Variants in SKAP1 observed in about 807,000 individuals in gnomAD.
SKAP1 encodes the protein src kinase associated phosphoprotein 1, also known as src kinase-associated phosphoprotein 1.
Under a neutral mutation model 58.5 loss-of-function variants are expected in SKAP1, and 44 were observed. The ratio of observed to expected loss-of-function variants is 0.75; its 90% confidence interval spans 0.59 to 0.97. SKAP1 has a LOEUF of 0.97. Among genes scored for constraint, SKAP1 ranks in the 50% least tolerant of loss-of-function variants. SKAP1 has a pLI of 0.00. For missense variants in SKAP1, 390 were observed against 435.2 expected (o/e 0.90, Z 0.92); for synonymous variants, 127 against 149.7 (o/e 0.85, Z 1.11).
chr17:48,221,050 C>T (rs2065001355), intron 4 of SKAP1, among the ~76,000 whole-genome samples: 2 of 151,904 alleles, frequency 1.3e-5, no homozygotes, highest in Admixed American at 1.3e-4. Context: ...AGGCGGATAA[C>T]GAGGTCAGGA....
intron 10 of SKAP1, among the ~76,000 whole-genome samples, chr17:48,165,387 CTTT>C (rs2143311767): frequency 6.8e-6 from 1 of 146,560 alleles, no homozygotes; most frequent in Non-Finnish European, 1.5e-5. Context: ...TCTTTTCTTT[CTTT>C]CTTTCTTTCT....
At chr17:48,162,411 C>T in intron 11 of SKAP1, 58 bp downstream of exon 11, 1 of 1,189,274 alleles carries the variant, frequency 8.4e-7, no homozygotes. Flanking sequence ...TTTATGGTGA[C>T]TAAATCAAGA....
chr17:48,237,190 A>T (rs1178958035), intron 4 of SKAP1, among the ~76,000 whole-genome samples: 1 of 152,258 alleles, frequency 6.6e-6, no homozygotes, highest in East Asian at 1.9e-4. Context: ...AAATACAATA[A>T]GAGAATGTCA....
At chr17:48,344,936 T>C (rs1248369712) in intron 4 of SKAP1, among the ~76,000 whole-genome samples, 2 of 152,238 alleles carry the variant, frequency 1.3e-5, no homozygotes, top group Non-Finnish European at 2.9e-5. Flanking sequence ...AATGGAAAGA[T>C]TGCAGACTAA....
chr17:48,334,063 A>T (rs2066537597), intron 4 of SKAP1, among the ~76,000 whole-genome samples: 1 of 152,020 alleles, frequency 6.6e-6, no homozygotes, highest in Non-Finnish European at 1.5e-5. Context: ...TAAGATACTT[A>T]ACAGGTACTC....
At chr17:48,179,921 C>T (rs1342530150) in intron 9 of SKAP1, 133 bp downstream of exon 9, 19 of 780,988 alleles carry the variant, frequency 2.4e-5, no homozygotes, top group Non-Finnish European at 3.4e-5. Flanking sequence ...TCTCATAAAG[C>T]GTCCCACATT....
At chr17:48,226,530 A>G (rs1166586226) in intron 4 of SKAP1, among the ~76,000 whole-genome samples, 4 of 152,190 alleles carry the variant, frequency 2.6e-5, no homozygotes, top group Non-Finnish European at 5.9e-5. Flanking sequence ...CTTTAACTAC[A>G]TTATGTTCTT....
At chr17:48,246,041 C>A (rs2065292974) in intron 4 of SKAP1, among the ~76,000 whole-genome samples, 2 of 152,054 alleles carry the variant, frequency 1.3e-5, no homozygotes, top group South Asian at 4.1e-4. Flanking sequence ...ATAATAATGC[C>A]TTTCTCAACG....
At chr17:48,347,090 A>G (rs555871803) in intron 3 of SKAP1, among the ~76,000 whole-genome samples, 12 of 152,328 alleles carry the variant, frequency 7.9e-5, no homozygotes, top group African/African-American at 2.6e-4. Context: ...TAAAAGGTTC[A>G]GACAGAAGAT....
In SKAP1 at chr17:48,258,872, G is replaced by A. The variant is rs899803838; in HGVS notation, c.281-69372C>T. ...GCCTGTACTCTGAACTCCTAACTCT[G>A]CATTCATGAGAAAGAATAAAATATT... On this transcript the variant is annotated intron_variant, in intron 4 of 12. Transcript: ENST00000336915. Among the ~76,000 whole-genome samples the A allele has an allele frequency of 2.0e-5, 3 of 152,068 alleles. No homozygotes were observed. In the East Asian group the frequency reaches 5.8e-4, roughly 29 times the overall value.
At chr17:48,291,492 T>C (rs1364167903) in intron 4 of SKAP1, among the ~76,000 whole-genome samples, 1 of 152,198 alleles carries the variant, frequency 6.6e-6, no homozygotes, top group Non-Finnish European at 1.5e-5. Flanking sequence ...GTACTGGCAA[T>C]CAAATCATTC....
intron 1 of SKAP1, among the ~76,000 whole-genome samples, chr17:48,413,899 TAC>T (rs1450983691): frequency 6.6e-6 from 1 of 152,160 alleles, no homozygotes; most frequent in Non-Finnish European, 1.5e-5. Flanking sequence ...GACCTGATGC[TAC>T]AGAGTCTTCC....
chr17:48,325,702 C>A (rs2066428644), intron 4 of SKAP1, among the ~76,000 whole-genome samples: 1 of 152,008 alleles, frequency 6.6e-6, no homozygotes, highest in Admixed American at 6.6e-5. Context: ...TACTTATTTT[C>A]TTTTGGATTT....
chr17:48,405,444 T>TC (rs772160504), intron 1 of SKAP1, among the ~76,000 whole-genome samples: 3,631 of 72,050 alleles, frequency 0.05, 102 homozygotes, highest in Non-Finnish European at 0.057. Context: ...TTTCTTTCTT[T>TC]CTTTCTTTTC....
intron 1 of SKAP1, among the ~76,000 whole-genome samples, chr17:48,423,645 C>A (rs1473295415): frequency 6.6e-6 from 1 of 152,086 alleles, no homozygotes; most frequent in Non-Finnish European, 1.5e-5. Context: ...TGGCTAGTGA[C>A]TATTATGGTC....
At chr17:48,380,977 T>C (rs948623752) in intron 2 of SKAP1, among the ~76,000 whole-genome samples, 1 of 152,238 alleles carries the variant, frequency 6.6e-6, no homozygotes, top group African/African-American at 2.4e-5. Context: ...CCAAATTGTA[T>C]GCATTCCTTA....
In SKAP1 at chr17:48,138,494, C is replaced by T. The variant is rs576855843; in HGVS notation, c.979-1157G>A. Among the ~76,000 whole-genome samples, 120 of 151,734 alleles carry T rather than the reference C, an allele frequency of 7.9e-4. 1 individual carries two copies. The highest frequency in any genetic ancestry group is 1.4e-3 in the Non-Finnish European group (98 of 67,874). On this transcript the variant is annotated intron_variant, in intron 11 of 12. Coordinates refer to ENST00000336915, the MANE Select transcript of SKAP1 (RefSeq NM_003726.4). The stretch of plus-strand genomic sequence containing the variant: ...AAGCGATTCTCCTGCCTCAGCCTCC[C>T]GATTAGCTGGGATTACAGGCGCGCA...
At chr17:48,321,169 T>C (rs1035044602) in intron 4 of SKAP1, among the ~76,000 whole-genome samples, 1 of 152,156 alleles carries the variant, frequency 6.6e-6, no homozygotes, top group Non-Finnish European at 1.5e-5. Flanking sequence ...ATATGTTTTC[T>C]AATTACCCAA....
rs1332748689 is a variant in SKAP1 at position 48,419,592 on chromosome 17, ATT to A, written c.46+10481_46+10482del. The stretch of plus-strand genomic sequence containing the variant: ...GCCACCATGCCCGGCCAGAAAAGTT[ATT>A]TTTAAAGGAGTGTAGTTTAAGAAGG... On this transcript the variant is annotated intron_variant, in intron 1 of 12. Transcript: ENST00000336915. 3.3e-5 allele frequency among the ~76,000 whole-genome samples: 5 copies of A among 151,962 alleles called. No homozygotes were observed. The East Asian group carries it at 7.7e-4, about 23-fold the overall frequency.
Sources: gnomAD v4.1 joint callset for allele counts (sites outside exome capture counted in the v4.1 genomes callset) on GRCh38, gnomAD v4.1.1 for gene constraint, MANE v1.5 for transcripts, NCBI Gene and HGNC (gene_info 2026-07-23, HGNC 2026-07-21) for gene names.